NEDD4L: variants seen among roughly 807,000 people sequenced by gnomAD.
The protein encoded by NEDD4L is E3 ubiquitin-protein ligase NEDD4-like.
Under a neutral mutation model 148.9 loss-of-function variants are expected in NEDD4L, and 54 were observed. That is an observed-to-expected ratio of 0.36 (90% CI 0.29 to 0.45). NEDD4L has a LOEUF of 0.45. Ranked by LOEUF, NEDD4L falls within the 20% of genes least tolerant of loss-of-function variation. The probability of loss-of-function intolerance (pLI) is 1.00; values close to 1 mark genes in which losing one functional copy is unlikely to be tolerated. For missense variants in NEDD4L, 856 were observed against 1,233.8 expected (o/e 0.69, Z 4.59); for synonymous variants, 433 against 440.7 (o/e 0.98, Z 0.22).
intron 1 of NEDD4L, among the ~76,000 whole-genome samples, chr18:58,139,289 C>T (rs1330643512): frequency 6.6e-6 from 1 of 151,442 alleles, no homozygotes. Context: ...CCCTCCCAAC[C>T]CCTCCCCCGA....
At chr18:58,112,724 A>G (rs1165855582) in intron 1 of NEDD4L, among the ~76,000 whole-genome samples, 1 of 152,206 alleles carries the variant, frequency 6.6e-6, no homozygotes, top group Non-Finnish European at 1.5e-5. Context: ...TCCTGAGCTT[A>G]GGTGATCTGC....
chr18:58,204,453 A>AT (rs1406577284), intron 2 of NEDD4L, among the ~76,000 whole-genome samples: 8 of 152,204 alleles, frequency 5.3e-5, no homozygotes, highest in African/African-American at 1.9e-4. Context: ...CTTTTGGTGT[A>AT]TATGTGACAA....
chr18:58,325,265 T>C (rs2059211623), intron 9 of NEDD4L, 103 bp downstream of exon 9: 1 of 1,339,540 alleles, frequency 7.5e-7, no homozygotes, highest in African/African-American at 1.4e-5. Context: ...ATCATATGTC[T>C]ATAAGAGCAG....
chr18:58,292,751 C>G (rs1387320386), intron 5 of NEDD4L, among the ~76,000 whole-genome samples: 1 of 152,182 alleles, frequency 6.6e-6, no homozygotes, highest in Non-Finnish European at 1.5e-5. Flanking sequence ...AATGAATGAG[C>G]TTATTATGCA....
chr18:58,248,478 T>C (rs2047535858), intron 3 of NEDD4L, among the ~76,000 whole-genome samples: 1 of 152,232 alleles, frequency 6.6e-6, no homozygotes, highest in Non-Finnish European at 1.5e-5. Flanking sequence ...TTTCAATATT[T>C]ATATAAACAA....
At chr18:58,094,991 C>T (rs1427416612) in intron 1 of NEDD4L, among the ~76,000 whole-genome samples, 1 of 151,974 alleles carries the variant, frequency 6.6e-6, no homozygotes, top group Non-Finnish European at 1.5e-5. Context: ...TTGCTCACCA[C>T]AGAGTTGCTG....
At chr18:58,280,379 G>C (rs1250416344) in intron 5 of NEDD4L, among the ~76,000 whole-genome samples, 1 of 152,132 alleles carries the variant, frequency 6.6e-6, no homozygotes, top group African/African-American at 2.4e-5. Context: ...GAGCACCAGG[G>C]GCTGGCCTGG....
chr18:58,189,443 C>T (rs997025980), intron 2 of NEDD4L, among the ~76,000 whole-genome samples: 1 of 152,142 alleles, frequency 6.6e-6, no homozygotes, highest in East Asian at 1.9e-4. Flanking sequence ...TTAAAACCCT[C>T]GATTTTCCTT....
At chr18:58,316,176 C>T in intron 6 of NEDD4L, 144 bp downstream of exon 6, 1 of 714,518 alleles carries the variant, frequency 1.4e-6, no homozygotes, top group Non-Finnish European at 2.4e-6. Flanking sequence ...TTAGTCCTTT[C>T]TGGAAAGTGG....
chr18:58,367,342 C>CATTAAAA, intron 21 of NEDD4L: 1 of 168,362 alleles, frequency 5.9e-6, no homozygotes, highest in Non-Finnish European at 1.3e-5. Flanking sequence ...ATCTTATGGC[C>CATTAAAA]AAGCCAAAAG....
intron 2 of NEDD4L, among the ~76,000 whole-genome samples, chr18:58,212,075 G>A (rs989315144): frequency 4.6e-5 from 7 of 152,178 alleles, no homozygotes; most frequent in Admixed American, 3.9e-4. Context: ...GAATGGTTAA[G>A]CAAAATTTGA....
intron 2 of NEDD4L, among the ~76,000 whole-genome samples, chr18:58,229,102 T>C (rs1459880429): frequency 6.6e-6 from 1 of 152,136 alleles, no homozygotes; most frequent in Non-Finnish European, 1.5e-5. Flanking sequence ...AGGGTGATTT[T>C]TTTCCCTTTT....
chr18:58,082,102 A>ATATATATATTTTTTTTTTTTTT, intron 1 of NEDD4L, among the ~76,000 whole-genome samples: 6 of 48,834 alleles, frequency 1.2e-4, no homozygotes, highest in African/African-American at 6.4e-4. Flanking sequence ...ATATATATAT[A>ATATATATATTTTTTTTTTTTTT]TTTTTTTTTT....
In NEDD4L at chr18:58,231,092, TA is replaced by T. The variant is rs201520170; in HGVS notation, c.123-14326del. On this transcript the variant is annotated intron_variant, in intron 2 of 30. Coordinates refer to ENST00000400345, the MANE Select transcript of NEDD4L (RefSeq NM_001144967.3). ...GGAAAACCCCTGTCTCTACAAAAATTAAAAAAAAATTAGCCATGTGTGGCAG... is the reference window on the plus strand; with the variant it reads ...GGAAAACCCCTGTCTCTACAAAAATTAAAAAAAATTAGCCATGTGTGGCAG... Among the ~76,000 whole-genome samples the T allele has an allele frequency of 3.1e-3, 467 of 149,566 alleles. 3 individuals are homozygous for T. Among genetic ancestry groups the T allele is most frequent in the African/African-American group, 0.011 (441 of 40,806 alleles).
intron 5 of NEDD4L, among the ~76,000 whole-genome samples, chr18:58,292,547 T>C (rs1254485822): frequency 6.6e-6 from 1 of 152,210 alleles, no homozygotes; most frequent in African/African-American, 2.4e-5. Flanking sequence ...TACTCTCTCG[T>C]AGTACTTTAT....
At chr18:58,200,136 C>G (rs1284711080) in intron 2 of NEDD4L, among the ~76,000 whole-genome samples, 2 of 152,216 alleles carry the variant, frequency 1.3e-5, no homozygotes, top group Non-Finnish European at 2.9e-5. Context: ...TATCTCGGCT[C>G]TCTGCTCAGG....
intron 1 of NEDD4L, among the ~76,000 whole-genome samples, chr18:58,144,530 A>G (rs1371582977): frequency 1.3e-5 from 2 of 152,182 alleles, no homozygotes. Flanking sequence ...ACAAACATCC[A>G]CACTATGTCG....
At chr18:58,199,076 G>A (rs780500864) in intron 2 of NEDD4L, among the ~76,000 whole-genome samples, 1 of 152,240 alleles carries the variant, frequency 6.6e-6, no homozygotes, top group Non-Finnish European at 1.5e-5. Flanking sequence ...ACAGGCATGA[G>A]CCACCACGTC....
At chr18:58,076,965 C>A (rs1365437210) in intron 1 of NEDD4L, among the ~76,000 whole-genome samples, 1 of 151,202 alleles carries the variant, frequency 6.6e-6, no homozygotes, top group Non-Finnish European at 1.5e-5. Context: ...ATTCTTCTGC[C>A]TCAGCCTTCT....
Sources: allele counts gnomAD v4.1 joint callset (sites outside exome capture counted in the v4.1 genomes callset), GRCh38; gene constraint gnomAD v4.1.1; transcripts MANE v1.5; gene names NCBI Gene and HGNC (gene_info 2026-07-23, HGNC 2026-07-21).